FGF14: variants seen among roughly 807,000 people sequenced by gnomAD.
FGF14 encodes fibroblast growth factor homologous factor 4.
Under a neutral mutation model 25.5 loss-of-function variants are expected in FGF14, and 5 were observed. The observed-to-expected ratio is 0.20, with a 90% confidence interval of 0.10 to 0.41. The LOEUF is 0.41. Among genes scored for constraint, FGF14 ranks in the 10% least tolerant of loss-of-function variants. The probability of loss-of-function intolerance (pLI) is 1.00; values close to 1 mark genes in which losing one functional copy is unlikely to be tolerated. For synonymous variants in FGF14, 138 were observed against 118.3 expected, an observed-to-expected ratio of 1.17 and a Z score of -1.08; for missense variants, 222 against 320.1, an observed-to-expected ratio of 0.69 and a Z score of 2.34.
At chr13:101,753,754 G>A (rs2037459162) in intron 3 of FGF14, among the ~76,000 whole-genome samples, 1 of 150,534 alleles carries the variant, frequency 6.6e-6, no homozygotes, top group Admixed American at 6.6e-5. Flanking sequence ...AGTGAGCTGA[G>A]ATGGAGCCAT....
intron 1 of FGF14, among the ~76,000 whole-genome samples, chr13:102,141,786 T>C (rs2046653551): frequency 6.6e-6 from 1 of 152,210 alleles, no homozygotes; most frequent in African/African-American, 2.4e-5. Context: ...TTCTCTGACT[T>C]ACTGCATAAA....
intron 1 of FGF14, among the ~76,000 whole-genome samples, chr13:102,032,558 C>T (rs987522534): frequency 4.6e-5 from 7 of 152,038 alleles, no homozygotes; most frequent in Non-Finnish European, 8.8e-5. Flanking sequence ...TAGAATTTGA[C>T]TTATTTTGAG....
rs972917081 is a variant in FGF14 at position 101,712,080 on chromosome 13, G to A, written c.*10751C>T. The A allele has an allele frequency of 6.6e-6, 1 of 152,172 alleles. No individual in the cohort carries two copies. The highest frequency in any genetic ancestry group is 1.5e-5 in the Non-Finnish European group (1 of 68,030). 9.4% of individuals were successfully genotyped at this position (152,172 alleles called of 1,614,324 possible). On this transcript the variant is annotated 3_prime_UTR_variant, in exon 5 of 5. Transcript: ENST00000376143. The stretch of plus-strand genomic sequence containing the variant: ...CATGTTATGGAAGAAAACAGCTAGA[G>A]CGTTCTACAGGAAAAGTGCTATAAT...
At chr13:101,741,707 C>A (rs1418560949) in intron 3 of FGF14, among the ~76,000 whole-genome samples, 2 of 148,996 alleles carry the variant, frequency 1.3e-5, no homozygotes, top group African/African-American at 2.5e-5. Context: ...TGATTCTATT[C>A]TTGGCACATT....
intron 1 of FGF14, among the ~76,000 whole-genome samples, chr13:102,311,950 G>T (rs2055789990): frequency 6.6e-6 from 1 of 152,110 alleles, no homozygotes; most frequent in South Asian, 2.1e-4. Context: ...TCCAACATTT[G>T]TTCAATTTGG....
intron 3 of FGF14, among the ~76,000 whole-genome samples, chr13:101,806,250 T>C (rs1050829548): frequency 2.6e-5 from 4 of 151,680 alleles, no homozygotes; most frequent in Admixed American, 6.6e-5. Flanking sequence ...TGAAACCCAG[T>C]CTCTACTAAA....
chr13:101,947,618 A>C (rs1281862853), intron 1 of FGF14, among the ~76,000 whole-genome samples: 1 of 152,208 alleles, frequency 6.6e-6, no homozygotes, highest in Non-Finnish European at 1.5e-5. Context: ...CTTCACCTAT[A>C]AGTGGGAGCT....
chr13:101,782,325 T>G (rs1414063425), intron 3 of FGF14, among the ~76,000 whole-genome samples: 1 of 152,234 alleles, frequency 6.6e-6, no homozygotes, highest in Non-Finnish European at 1.5e-5. Context: ...AATATCATAT[T>G]TCAAATCCAT....
intron 1 of FGF14, among the ~76,000 whole-genome samples, chr13:102,095,720 A>G (rs910029877): frequency 6.6e-6 from 1 of 152,134 alleles, no homozygotes; most frequent in African/African-American, 2.4e-5. Context: ...AAGAGCAAGT[A>G]TGTTTTCTAT....
At chr13:102,043,963 C>G (rs1023814378) in intron 1 of FGF14, among the ~76,000 whole-genome samples, 2 of 152,200 alleles carry the variant, frequency 1.3e-5, no homozygotes, top group Non-Finnish European at 2.9e-5. Flanking sequence ...AATTACAGTG[C>G]TCAAGTTCTG....
At chr13:102,328,280 C>A (rs1261229106) in intron 1 of FGF14, among the ~76,000 whole-genome samples, 2 of 152,106 alleles carry the variant, frequency 1.3e-5, no homozygotes, top group Non-Finnish European at 2.9e-5. Context: ...AAATTTTGAC[C>A]ATTAACTATG....
intron 1 of FGF14, among the ~76,000 whole-genome samples, chr13:102,305,816 T>C (rs1237266034): frequency 3.3e-5 from 5 of 152,168 alleles, no homozygotes; most frequent in Non-Finnish European, 5.9e-5. Flanking sequence ...ACCCAACTTA[T>C]AGATGCACCT....
chr13:102,129,216 C>T (rs1008087962), intron 1 of FGF14, among the ~76,000 whole-genome samples: 3 of 151,992 alleles, frequency 2.0e-5, no homozygotes, highest in African/African-American at 7.3e-5. Flanking sequence ...CACCACTGCA[C>T]TCCAGCCTGA....
chr13:102,296,055 T>C (rs1431302920), intron 1 of FGF14, among the ~76,000 whole-genome samples: 3 of 152,200 alleles, frequency 2.0e-5, no homozygotes, highest in African/African-American at 7.2e-5. Context: ...GACCACTGTT[T>C]CTGTTCCTTT....
At chr13:102,322,975 C>T (rs531877245) in intron 1 of FGF14, among the ~76,000 whole-genome samples, 2 of 152,006 alleles carry the variant, frequency 1.3e-5, no homozygotes, top group Non-Finnish European at 2.9e-5. Context: ...CCTTGCTTTT[C>T]TCACAAATTG....
Position 102,187,603 on chromosome 13 carries a change from CCT to C in FGF14, c.208+213866_208+213867del, listed in dbSNP as rs1461803437. Among the ~76,000 whole-genome samples, 5 of 152,296 alleles carry C rather than the reference CCT, an allele frequency of 3.3e-5. No individual in the cohort carries two copies. In the East Asian group the frequency reaches 7.7e-4, roughly 24 times the overall value. On this transcript the variant is annotated intron_variant, in intron 1 of 4. Transcript: ENST00000376131. ...TCTTCTCCTCATTGCTGCTGCTTCT[CCT>C]CTCTTTTCCACCTTCGTGCCCTGTC...
intron 1 of FGF14, among the ~76,000 whole-genome samples, chr13:101,953,681 C>T (rs892221134): frequency 2.0e-5 from 3 of 151,378 alleles, no homozygotes; most frequent in African/African-American, 4.9e-5. Context: ...ACCTCTGCCT[C>T]CCCGGTTCAA....
At chr13:102,241,905 A>G (rs1435444525) in intron 1 of FGF14, among the ~76,000 whole-genome samples, 1 of 152,126 alleles carries the variant, frequency 6.6e-6, no homozygotes, top group African/African-American at 2.4e-5. Flanking sequence ...CTTTGTATTT[A>G]AGATTCAAAG....
intron 1 of FGF14, among the ~76,000 whole-genome samples, chr13:102,176,192 G>C (rs532689409): frequency 6.6e-6 from 1 of 152,132 alleles, no homozygotes; most frequent in South Asian, 2.1e-4. Flanking sequence ...GGTCTATTGG[G>C]TAAAGAAAAT....
Sources: allele counts gnomAD v4.1 joint callset (sites outside exome capture counted in the v4.1 genomes callset), GRCh38; gene constraint gnomAD v4.1.1; transcripts MANE v1.5; gene names NCBI Gene and HGNC (gene_info 2026-07-23, HGNC 2026-07-21).